The following SLC44A3 variants were observed in gnomAD, a reference collection of about 807,000 sequenced individuals.
SLC44A3 encodes solute carrier family 44 member 3.
A neutral mutation model predicts 75.4 loss-of-function variants in SLC44A3; 74 were observed. The observed-to-expected ratio is 0.98, with a 90% CI of 0.81 to 1.19. SLC44A3 has a LOEUF of 1.19. Among genes scored for constraint, SLC44A3 ranks in the 50% most tolerant of loss-of-function variants. The pLI, the probability that SLC44A3 is intolerant of heterozygous loss-of-function variation, is 0.00. For synonymous variants in SLC44A3, 310 were observed against 296.9 expected (o/e 1.04, Z -0.45); for missense variants, 700 against 778.6 (o/e 0.90, Z 1.20).
chr1:94,878,974 T>G (rs1340159486), intron 12 of SLC44A3, among the ~76,000 whole-genome samples: 1 of 152,044 alleles, frequency 6.6e-6, no homozygotes, highest in African/African-American at 2.4e-5. Flanking sequence ...ACTCTTAGAA[T>G]AAAATACAGG....
At chr1:94,824,097 A>G (rs1196740582) in intron 2 of SLC44A3, among the ~76,000 whole-genome samples, 1 of 152,206 alleles carries the variant, frequency 6.6e-6, no homozygotes, top group East Asian at 1.9e-4. Context: ...TAGTAGAAAA[A>G]AAAAAAACCT....
At chr1:94,844,451 A>T (rs1257175249) in intron 8 of SLC44A3, among the ~76,000 whole-genome samples, 1 of 152,188 alleles carries the variant, frequency 6.6e-6, no homozygotes, top group Non-Finnish European at 1.5e-5. Context: ...GGAATAGGAG[A>T]TACCCCCAGA....
At chr1:94,875,306 G>C (rs535921476) in intron 12 of SLC44A3, among the ~76,000 whole-genome samples, 11 of 152,310 alleles carry the variant, frequency 7.2e-5, no homozygotes, top group South Asian at 2.1e-4. Flanking sequence ...ATGGGATTTA[G>C]AGCCAGGTTT....
intron 9 of SLC44A3, 95 bp from the exon 10 acceptor site, chr1:94,857,240 G>T: frequency 7.6e-7 from 1 of 1,311,882 alleles, no homozygotes; most frequent in Admixed American, 2.8e-5. Context: ...TTTATGTAAT[G>T]CCAAAGGCCA....
At chr1:94,837,938 G>A in intron 6 of SLC44A3, 67 bp downstream of exon 6, 1 of 1,325,472 alleles carries the variant, frequency 7.5e-7, no homozygotes, top group East Asian at 2.6e-5. Context: ...CATTTTATAT[G>A]TTGTACAATG....
intron 12 of SLC44A3, among the ~76,000 whole-genome samples, chr1:94,879,153 T>C (rs186358832): frequency 3.2e-4 from 48 of 151,718 alleles, no homozygotes; most frequent in Middle Eastern, 6.8e-3. Flanking sequence ...AAATAAATTA[T>C]ATATGCTTAG....
intron 12 of SLC44A3, among the ~76,000 whole-genome samples, chr1:94,875,641 T>G (rs1309152315): frequency 9.4e-6 from 1 of 106,140 alleles, no homozygotes; most frequent in Non-Finnish European, 2.1e-5. Context: ...GAGGAGGCCA[T>G]GCTCATGGAG....
intron 9 of SLC44A3, among the ~76,000 whole-genome samples, chr1:94,847,439 CCAG>C (rs4000649): frequency 0.15 from 22,937 of 152,200 alleles, 2,088 homozygotes; most frequent in South Asian, 0.23. Flanking sequence ...CAGCCAGGTC[CCAG>C]TTACATAGCA....
intron 13 of SLC44A3, 132 bp downstream of exon 13, chr1:94,891,399 A>T: frequency 1.0e-6 from 1 of 958,918 alleles, no homozygotes; most frequent in South Asian, 1.9e-5. Context: ...ATCTCATTTA[A>T]TCCTCAATCC....
rs777547713 is a variant in SLC44A3 at position 94,837,733 on chromosome 1, C to T, written c.532C>T (p.Arg178Ter). The change falls in exon 6 of 15, where the codon CGA becomes TGA. Residue 178 changes from arginine (R) to a stop codon, truncating the protein, a stop_gained. Coordinates refer to ENST00000271227, the MANE Select transcript of SLC44A3 (RefSeq NM_001114106.3). LOFTEE classifies it high-confidence loss of function. ...PPSKSFPLFNRCVPQTPECYS... is the reference protein window; with the variant it reads ...PPSKSFPLFN ...TAGCAAGTCATTTCCCTTATTTAAC[C>T]GATGTGTCCCTCAAACACCTGAGTG... is the stretch of plus-strand genomic sequence containing the variant. 14 of 1,579,932 alleles carry T rather than the reference C, an allele frequency of 8.9e-6. No homozygotes were observed. Among genetic ancestry groups the T allele is most frequent in the African/African-American group, 2.7e-5 (2 of 73,236 alleles).
At chr1:94,875,395 C>G (rs1431537720) in intron 12 of SLC44A3, among the ~76,000 whole-genome samples, 1 of 152,168 alleles carries the variant, frequency 6.6e-6, no homozygotes, top group East Asian at 1.9e-4. Context: ...AAACAGCCTC[C>G]CCTCATAATA....
intron 12 of SLC44A3, among the ~76,000 whole-genome samples, chr1:94,885,812 A>G (rs1669524862): frequency 1.3e-5 from 2 of 152,246 alleles, no homozygotes; most frequent in Admixed American, 1.3e-4. Context: ...GGCACATAGT[A>G]CATGCAAGAT....
chr1:94,834,473 G>A (rs1359107967), intron 5 of SLC44A3, among the ~76,000 whole-genome samples: 1 of 152,020 alleles, frequency 6.6e-6, no homozygotes, highest in Non-Finnish European at 1.5e-5. Context: ...ATAAATGGGG[G>A]GAAGGGATAA....
chr1:94,853,521 A>G (rs1665481071), intron 9 of SLC44A3, among the ~76,000 whole-genome samples: 1 of 152,206 alleles, frequency 6.6e-6, no homozygotes, highest in Admixed American at 6.5e-5. Flanking sequence ...TTGAAGAGTT[A>G]TGTTCACACA....
rs774589657 is a variant in SLC44A3 at position 94,837,863 on chromosome 1, T to C, written c.662T>C (p.Leu221Pro). Residue 221 changes from leucine to proline, a missense_variant, in exon 6 of 15, where the codon CTC becomes CCC. Coordinates refer to ENST00000271227, the MANE Select transcript of SLC44A3 (RefSeq NM_001114106.3). ...GRDTILGLCI[L>P]ALALSLAMMF... ...GATACAATCCTTGGCCTGTGTATCCTCGCATTAGGTAATTCTCAGTTAAGT... is the reference window on the plus strand; with the variant it reads ...GATACAATCCTTGGCCTGTGTATCCCCGCATTAGGTAATTCTCAGTTAAGT... 6.3e-7 allele frequency: 1 copy of C among 1,591,618 alleles called. No homozygotes were observed. Among genetic ancestry groups the C allele is most frequent in the South Asian group, 1.2e-5 (1 of 85,612 alleles).
At chr1:94,884,030 G>A (rs1015077219) in intron 12 of SLC44A3, among the ~76,000 whole-genome samples, 19 of 5,106 alleles carry the variant, frequency 3.7e-3, no homozygotes, top group African/African-American at 4.2e-3. Context: ...TCTCTGTGTT[G>A]TTTGATTTTT....
chr1:94,833,606 C>G (rs911267240), intron 5 of SLC44A3, among the ~76,000 whole-genome samples: 1 of 152,200 alleles, frequency 6.6e-6, no homozygotes, highest in Non-Finnish European at 1.5e-5. Context: ...AGCTGTAGCT[C>G]TCTGCTCTGC....
intron 10 of SLC44A3, among the ~76,000 whole-genome samples, chr1:94,860,138 T>G (rs1666402354): frequency 6.6e-6 from 1 of 152,126 alleles, no homozygotes; most frequent in South Asian, 2.1e-4. Flanking sequence ...ACGGAGACAA[T>G]GCAGGCTGCA....
intron 12 of SLC44A3, among the ~76,000 whole-genome samples, chr1:94,881,876 T>A (rs575100531): frequency 1.5e-5 from 2 of 137,036 alleles, no homozygotes; most frequent in East Asian, 4.5e-4. Context: ...AAAAATTAGC[T>A]GGGCATGGTG....
Sources: allele counts gnomAD v4.1 joint callset (sites outside exome capture counted in the v4.1 genomes callset), GRCh38; gene constraint gnomAD v4.1.1; transcripts MANE v1.5; gene names NCBI Gene and HGNC (gene_info 2026-07-23, HGNC 2026-07-21).